Variants in KCNQ1 observed in about 807,000 individuals in gnomAD.
KCNQ1 encodes potassium voltage-gated channel subfamily KQT member 1.
Under a neutral mutation model 72.4 loss-of-function variants are expected in KCNQ1, and 49 were observed. The ratio of observed to expected loss-of-function variants is 0.68; its 90% CI spans 0.54 to 0.86. The LOEUF (loss-of-function observed/expected upper bound fraction) is 0.86. Among genes scored for constraint, KCNQ1 ranks in the 40% least tolerant of loss-of-function variants. The pLI, the probability that KCNQ1 is intolerant of heterozygous loss-of-function variation, is 0.00. For synonymous variants in KCNQ1, 450 were observed against 412.6 expected (o/e 1.09, Z -1.10); for missense variants, 790 against 945.1 (o/e 0.84, Z 2.15).
chr11:2,843,005 C>T (rs1052505666), intron 15 of KCNQ1, among the ~76,000 whole-genome samples: 1 of 152,234 alleles, frequency 6.6e-6, no homozygotes, highest in African/African-American at 2.4e-5. Context: ...CTGCGGCACA[C>T]ACACGCCTGC....
chr11:2,781,955 A>G lies in KCNQ1; in HGVS notation c.1794+3918A>G, dbSNP rs908301875. On this transcript the variant is annotated intron_variant, in intron 15 of 15. Transcript: ENST00000155840. This position sits in a 1 kb window ranked among gnomAD's most constrained non-coding sequence, Gnocchi z 6.6. ...AATGCCCCCCAACCCAGGACTCCCA[A>G]AACCACACCCTGCCCATGCCTTTAC... Among the ~76,000 whole-genome samples, 3 of 152,072 alleles carry G rather than the reference A, an allele frequency of 2.0e-5. No individual in the cohort carries two copies. Among genetic ancestry groups the G allele is most frequent in the African/African-American group, 7.2e-5 (3 of 41,410 alleles).
At chr11:2,517,158 C>T (rs1847301566) in intron 1 of KCNQ1, among the ~76,000 whole-genome samples, 1 of 152,162 alleles carries the variant, frequency 6.6e-6, no homozygotes, top group African/African-American at 2.4e-5. Context: ...GCGGGGCCAG[C>T]CCTCATCCCC....
In KCNQ1 at chr11:2,567,654, C is replaced by G. The variant is rs926847966; in HGVS notation, c.478-2974C>G. On this transcript the variant is annotated intron_variant, in intron 2 of 15. Transcript: ENST00000155840. This position sits in a 1 kb window ranked among gnomAD's most constrained non-coding sequence, Gnocchi z 6.6. ...TTCCTGGCCTGCTAGCAGCACCAGC[C>G]TAATTAACCTGACAAGCGGGGCCTC... Among the ~76,000 whole-genome samples, 2 of 152,228 alleles carry G rather than the reference C, an allele frequency of 1.3e-5. No individual in the cohort carries two copies. The highest frequency in any genetic ancestry group is 4.8e-5 in the African/African-American group (2 of 41,436).
In KCNQ1 at chr11:2,623,542, C is replaced by T; in HGVS notation, c.1393+34688C>T. 1 of 398,552 alleles carries T rather than the reference C, an allele frequency of 2.5e-6. No homozygotes were observed. Among genetic ancestry groups the T allele is most frequent in the Non-Finnish European group, 4.4e-6 (1 of 226,046 alleles). The allele number at this position is 398,552 out of a possible 1,614,324, so 24.7% of individuals were successfully genotyped here. A position where few individuals can be genotyped will look rare whatever the true frequency, so the allele number is the denominator to read the frequency against. ...ACAGTATGTAGTTTCTTCAGATTGCCTTATTTCACATAGTAATATGTTTTT... is the reference window on the plus strand; with the variant it reads ...ACAGTATGTAGTTTCTTCAGATTGCTTTATTTCACATAGTAATATGTTTTT... On this transcript the variant is annotated intron_variant, in intron 10 of 15. Transcript: ENST00000155840. This position sits in a 1 kb window ranked among gnomAD's most constrained non-coding sequence, Gnocchi z 5.2.
At chr11:2,561,394 A>T (rs1848164906) in intron 2 of KCNQ1, among the ~76,000 whole-genome samples, 1 of 152,042 alleles carries the variant, frequency 6.6e-6, no homozygotes, top group South Asian at 2.1e-4. Context: ...CCCCACCTGT[A>T]CTCAGGACCC....
intron 6 of KCNQ1, among the ~76,000 whole-genome samples, chr11:2,582,660 T>C (rs1205018294): frequency 2.0e-5 from 3 of 152,166 alleles, no homozygotes; most frequent in Admixed American, 6.5e-5. Flanking sequence ...GGAGCCTGTG[T>C]GTCCACAGGG....
In KCNQ1 at chr11:2,725,756, G is replaced by A. The variant is rs1845749344; in HGVS notation, c.1515-43088G>A. Among the ~76,000 whole-genome samples, 1 of 152,158 alleles carries A rather than the reference G, an allele frequency of 6.6e-6. No individual in the cohort carries two copies. Among genetic ancestry groups the A allele is most frequent in the African/African-American group, 2.4e-5 (1 of 41,442 alleles). ...GGCTTTGTGAAACCTGTCAGCTTGT[G>A]TGAAAGCTATCTCCCCCAGGCCCCA... On this transcript the variant is annotated intron_variant, in intron 11 of 15. Coordinates refer to ENST00000155840, the MANE Select transcript of KCNQ1 (RefSeq NM_000218.3). This position sits in a 1 kb window ranked among gnomAD's most constrained non-coding sequence, Gnocchi z 7.2.
intron 5 of KCNQ1, 114 bp downstream of exon 5, chr11:2,572,223 G>A: frequency 1.3e-6 from 1 of 766,482 alleles, no homozygotes; most frequent in Non-Finnish European, 2.2e-6. Context: ...GCCGGTGGGT[G>A]CCTGGGCGCA....
rs1848981092 is a variant in KCNQ1, at chr11:2,611,634, T to C, written c.1393+22780T>C. The C allele has an allele frequency of 2.5e-6, 1 of 398,542 alleles. No individual in the cohort carries two copies. Among genetic ancestry groups the C allele is most frequent in the African/African-American group, 2.1e-5 (1 of 48,650 alleles). The allele number at this position is 398,542 out of a possible 1,614,324, so 24.7% of individuals were successfully genotyped here. On this transcript the variant is annotated intron_variant, in intron 10 of 15. Coordinates refer to ENST00000155840, the MANE Select transcript of KCNQ1 (RefSeq NM_000218.3). This position sits in a 1 kb window ranked among gnomAD's most constrained non-coding sequence, Gnocchi z 5.3. ...TAGAATGTGACTCTTATAGACCATA[T>C]ATATTTGGATCCTGCTTTTAAGGCA...
intron 15 of KCNQ1, among the ~76,000 whole-genome samples, chr11:2,792,178 G>A (rs1371808921): frequency 6.6e-6 from 1 of 152,172 alleles, no homozygotes; most frequent in Non-Finnish European, 1.5e-5. Flanking sequence ...CCTCCAGGGG[G>A]TGGCCCTGCA....
Position 2,777,987 on chromosome 11 carries a change from G to C in KCNQ1, c.1744G>C (p.Asp582His). ...TTTATCCCCCATAGAAAAGAGCAAGGATCGCGGCAGCAACACGATCGGCGC... is the reference window on the plus strand; with the variant it reads ...TTTATCCCCCATAGAAAAGAGCAAGCATCGCGGCAGCAACACGATCGGCGC... The part of the protein sequence containing the change: ...LFISVSEKSK[D>H]RGSNTIGARL... Residue 582 changes from aspartate to histidine, a missense_variant, in exon 15 of 16, where the codon GAT becomes CAT. Asp to His is a moderately conservative substitution (Grantham distance 81, BLOSUM62 -1). This residue lies in a region of KCNQ1 where 91 missense variants were observed against 139.1 expected (regional missense o/e 0.65). Transcript: ENST00000155840. The C allele has an allele frequency of 6.2e-7, 1 of 1,613,838 alleles. No homozygotes were observed. The highest frequency in any genetic ancestry group is 1.7e-5 in the Admixed American group (1 of 60,026).
At position 2,690,996 on chromosome 11, in the gene KCNQ1, A is replaced by T; in HGVS notation, c.1514+28915A>T. 1 of 398,656 alleles carries T rather than the reference A, an allele frequency of 2.5e-6. No homozygotes were observed. Among genetic ancestry groups the T allele is most frequent in the Non-Finnish European group, 4.4e-6 (1 of 226,084 alleles). 24.7% of individuals were successfully genotyped at this position (398,656 alleles called of 1,614,324 possible). A position where few individuals can be genotyped will look rare whatever the true frequency, so the allele number is the denominator to read the frequency against. On this transcript the variant is annotated intron_variant, in intron 11 of 15. Coordinates refer to ENST00000155840, the MANE Select transcript of KCNQ1 (RefSeq NM_000218.3). This position sits in a 1 kb window ranked among gnomAD's most constrained non-coding sequence, Gnocchi z 5.1. ...CAAAAGCCCACCAGACCATCAATGA[A>T]GTGGGCAAAAGCTCTGGGTGAACTC...
At chr11:2,521,073 A>G (rs1640908824) in intron 1 of KCNQ1, among the ~76,000 whole-genome samples, 1 of 152,126 alleles carries the variant, frequency 6.6e-6, no homozygotes, top group Non-Finnish European at 1.5e-5. Flanking sequence ...GATAAAATAC[A>G]CATAACACAC....
chr11:2,450,537 T>G lies in KCNQ1; in HGVS notation c.386+5053T>G, dbSNP rs1232659374. Among the ~76,000 whole-genome samples, 1 of 152,042 alleles carries G rather than the reference T, an allele frequency of 6.6e-6. No homozygotes were observed. Among genetic ancestry groups the G allele is most frequent in the Non-Finnish European group, 1.5e-5 (1 of 68,010 alleles). ...GGAGGTGCCTTGGGGCTGGCCAGTA[T>G]GGGATTGCTGTCACTGTGGGTCACT... is the stretch of plus-strand genomic sequence containing the variant. On this transcript the variant is annotated intron_variant, in intron 1 of 15. Coordinates refer to ENST00000155840, the MANE Select transcript of KCNQ1 (RefSeq NM_000218.3). The surrounding 1 kb of genome is among the most constrained non-coding windows in gnomAD (Gnocchi z 7.9).
chr11:2,697,884 C>T (rs1850705521), intron 11 of KCNQ1: 1 of 398,666 alleles, frequency 2.5e-6, no homozygotes, highest in African/African-American at 2.1e-5. Flanking sequence ...AAAAATCCCT[C>T]TAGCTGGAGC....
chr11:2,673,522 G>A lies in KCNQ1; in HGVS notation c.1514+11441G>A. ...AACCACTTGTTGATGCTGACAGCCT[G>A]TAGAAAGATTGCTCTCAGCCTATCC... On this transcript the variant is annotated intron_variant, in intron 11 of 15. Transcript: ENST00000155840. This position sits in a 1 kb window ranked among gnomAD's most constrained non-coding sequence, Gnocchi z 4.5. The A allele has an allele frequency of 2.5e-6, 1 of 398,674 alleles. No individual in the cohort carries two copies. Among genetic ancestry groups the A allele is most frequent in the East Asian group, 3.6e-5 (1 of 28,076 alleles). The allele number at this position is 398,674 out of a possible 1,614,324, so 24.7% of individuals were successfully genotyped here. A position where few individuals can be genotyped will look rare whatever the true frequency, so the allele number is the denominator to read the frequency against.
Position 2,682,321 on chromosome 11 carries a change from A to G in KCNQ1, c.1514+20240A>G, listed in dbSNP as rs951387113. 5.0e-6 allele frequency: 2 copies of G among 398,452 alleles called. No homozygotes were observed. The allele number at this position is 398,452 out of a possible 1,614,324, so 24.7% of individuals were successfully genotyped here. A position where few individuals can be genotyped will look rare whatever the true frequency, so the allele number is the denominator to read the frequency against. ...CCTCCCCTCCCATTCTTAATGTGTA[A>G]CTGTGTGTTTATTTGTGGTAAAGGG... On this transcript the variant is annotated intron_variant, in intron 11 of 15. Transcript: ENST00000155840. The surrounding 1 kb of genome is among the most constrained non-coding windows in gnomAD (Gnocchi z 5.8).
At chr11:2,527,428 G>C (rs1017570128) in intron 1 of KCNQ1, among the ~76,000 whole-genome samples, 2 of 152,212 alleles carry the variant, frequency 1.3e-5, no homozygotes, top group Non-Finnish European at 2.9e-5. Context: ...TTGTAGAGAC[G>C]TAATTACACA....
chr11:2,614,096 G>A (rs1367973218), intron 10 of KCNQ1: 6 of 398,320 alleles, frequency 1.5e-5, no homozygotes, highest in African/African-American at 1.0e-4. Flanking sequence ...TTTCTAGATG[G>A]CAGCTATGCT....
Sources: gnomAD v4.1 joint callset for allele counts (sites outside exome capture counted in the v4.1 genomes callset) on GRCh38, gnomAD v4.1.1 for gene constraint, gnomAD v4.1.1 regional missense constraint, Gnocchi (gnomAD v3.1) non-coding constraint, MANE v1.5 for transcripts, NCBI Gene and HGNC (gene_info 2026-07-23, HGNC 2026-07-21) for gene names.